PRKCE: variants seen among roughly 807,000 people sequenced by gnomAD.
PRKCE encodes protein kinase C epsilon.
A neutral mutation model predicts 85.4 loss-of-function variants in PRKCE; 16 were observed. The observed-to-expected ratio is 0.19, with a 90% CI of 0.13 to 0.28. PRKCE has a LOEUF of 0.28. PRKCE is among the 10% of genes least tolerant of loss of function. The pLI, the probability that PRKCE is intolerant of heterozygous loss-of-function variation, is 1.00. For synonymous variants in PRKCE, 388 were observed against 371.5 expected (o/e 1.04, Z -0.51); for missense variants, 573 against 975.2 (o/e 0.59, Z 5.49).
chr2:46,144,701 G>A (rs773261422), intron 11 of PRKCE, among the ~76,000 whole-genome samples: 1 of 152,194 alleles, frequency 6.6e-6, no homozygotes, highest in Non-Finnish European at 1.5e-5. Flanking sequence ...TATGTGTCAT[G>A]CTGGGAACCC....
intron 12 of PRKCE, among the ~76,000 whole-genome samples, chr2:46,149,178 C>G (rs1423077931): frequency 6.6e-6 from 1 of 152,188 alleles, no homozygotes; most frequent in Non-Finnish European, 1.5e-5. Context: ...AGTCCAGATA[C>G]TTGAATTCAG....
At chr2:46,119,043 C>G (rs1181866081) in intron 11 of PRKCE, among the ~76,000 whole-genome samples, 3 of 152,138 alleles carry the variant, frequency 2.0e-5, no homozygotes, top group African/African-American at 7.2e-5. Flanking sequence ...GGAAGTTTTC[C>G]TATCTCTGGC....
At chr2:45,958,854 T>A (rs1363714721) in intron 2 of PRKCE, among the ~76,000 whole-genome samples, 2 of 103,622 alleles carry the variant, frequency 1.9e-5, no homozygotes, top group Admixed American at 1.1e-4. Flanking sequence ...TTTTTTTTTT[T>A]TAATAGAATC....
intron 3 of PRKCE, 193 bp from the exon 4 acceptor site, chr2:45,978,783 G>A (rs774295234): frequency 7.0e-6 from 4 of 571,242 alleles, no homozygotes; most frequent in Non-Finnish European, 1.2e-5. Context: ...CCCAAGCACT[G>A]GGACTGCCCT....
chr2:46,122,104 G>A (rs112630014), intron 11 of PRKCE, among the ~76,000 whole-genome samples: 7 of 152,232 alleles, frequency 4.6e-5, no homozygotes, highest in East Asian at 1.9e-4. Flanking sequence ...TTCCCAGCAC[G>A]AGGCAGGCTT....
In PRKCE at chr2:45,862,817, C is replaced by T. The variant is rs1693276349; in HGVS notation, c.412+19754C>T. Among the ~76,000 whole-genome samples the T allele has an allele frequency of 9.2e-5, 14 of 152,330 alleles. 1 individual carries two copies. The South Asian group carries it at 2.9e-3, about 32-fold the overall frequency. ...ACATACATGCATGCAAATGTGTACA[C>T]ACATGCACCCATAATCACCTGCGCA... On this transcript the variant is annotated intron_variant, in intron 2 of 14. Transcript: ENST00000306156.
At chr2:45,699,675 T>C (rs1217761033) in intron 1 of PRKCE, among the ~76,000 whole-genome samples, 1 of 152,184 alleles carries the variant, frequency 6.6e-6, no homozygotes, top group Admixed American at 6.5e-5. Context: ...ACCAGTCTTG[T>C]TTTTTTATGG....
At chr2:45,953,406 T>C (rs1700755888) in intron 2 of PRKCE, among the ~76,000 whole-genome samples, 1 of 150,386 alleles carries the variant, frequency 6.6e-6, no homozygotes, top group Non-Finnish European at 1.5e-5. Context: ...GCTTTTCAAT[T>C]TGGATAGAAC....
At chr2:45,994,069 T>G (rs1704029424) in intron 6 of PRKCE, among the ~76,000 whole-genome samples, 1 of 152,164 alleles carries the variant, frequency 6.6e-6, no homozygotes, top group Admixed American at 6.5e-5. Flanking sequence ...GAGATCTGGC[T>G]GCTTATCCTG....
chr2:45,770,605 C>A (rs45548232), intron 1 of PRKCE: 9,843 of 152,222 alleles, frequency 0.065, 357 homozygotes, highest in Non-Finnish European at 0.078. Flanking sequence ...ACAAAAACAC[C>A]CTATGATTTA....
chr2:45,848,124 ACT>A (rs768346983), intron 2 of PRKCE, among the ~76,000 whole-genome samples: 5 of 151,594 alleles, frequency 3.3e-5, no homozygotes, highest in Non-Finnish European at 7.4e-5. Context: ...TTCTCTTGAA[ACT>A]CTGTCTTAGC....
intron 1 of PRKCE, among the ~76,000 whole-genome samples, chr2:45,677,398 G>T (rs1320989119): frequency 1.4e-5 from 2 of 142,720 alleles, no homozygotes; most frequent in Non-Finnish European, 3.0e-5. Context: ...CGCCCAGGCC[G>T]GACTGCGGAC....
At chr2:45,728,572 TCTTTGTATCTTAGTCACAGA>T (rs1681286714) in intron 1 of PRKCE, among the ~76,000 whole-genome samples, 1 of 152,144 alleles carries the variant, frequency 6.6e-6, no homozygotes, top group African/African-American at 2.4e-5. Flanking sequence ...GCCGCTGGAA[TCTTTGTATCTTAGTCACAGA>T]CTTCTAGAGT....
intron 2 of PRKCE, among the ~76,000 whole-genome samples, chr2:45,848,937 G>C (rs1225592993): frequency 1.3e-5 from 2 of 152,184 alleles, no homozygotes; most frequent in Non-Finnish European, 2.9e-5. Context: ...TGGATTGGCA[G>C]GGAAGAAGTG....
intron 2 of PRKCE, among the ~76,000 whole-genome samples, chr2:45,975,495 A>T (rs541014060): frequency 2.5e-4 from 38 of 152,258 alleles, no homozygotes; most frequent in South Asian, 8.3e-4. Flanking sequence ...TCCTCTTATA[A>T]GGACACTAAT....
Position 46,001,480 on chromosome 2 carries a change from C to G in PRKCE, c.900C>G (p.Ala300=), listed in dbSNP as rs1437527475. The G allele has an allele frequency of 1.9e-6, 3 of 1,599,450 alleles. No individual in the cohort carries two copies. Among genetic ancestry groups the G allele is most frequent in the Non-Finnish European group, 8.5e-7 (1 of 1,179,824 alleles). ...GTGGAGTGGATGCCAGAGGAATCGC[C>G]AAAGTACTGGCCGACCTGGGCGTTA... ...PNCGVDARGI[A]KVLADLGVTP... The change falls in exon 7 of 15, where the codon GCC becomes GCG. Residue 300 remains alanine (A), a synonymous_variant. Coordinates refer to ENST00000306156, the MANE Select transcript of PRKCE (RefSeq NM_005400.3). The surrounding 1 kb of genome is among the most constrained non-coding windows in gnomAD (Gnocchi z 4.4).
intron 11 of PRKCE, among the ~76,000 whole-genome samples, chr2:46,113,243 T>C (rs572752913): frequency 1.3e-5 from 2 of 152,356 alleles, no homozygotes; most frequent in South Asian, 4.1e-4. Flanking sequence ...GCAAGTGTGT[T>C]CTCTTTGCAT....
intron 11 of PRKCE, among the ~76,000 whole-genome samples, chr2:46,087,735 GC>G (rs1254379359): frequency 1.3e-5 from 2 of 152,202 alleles, no homozygotes; most frequent in East Asian, 3.8e-4. Context: ...TTACCTACAT[GC>G]CCTGGTCAGT....
At chr2:45,683,811 G>A (rs506134) in intron 1 of PRKCE, among the ~76,000 whole-genome samples, 52,242 of 152,070 alleles carry the variant, frequency 0.34, 9,286 homozygotes, top group Middle Eastern at 0.41. Context: ...GGAATCCAGT[G>A]TCTGCCTTTG....
Sources: gnomAD v4.1 joint callset for allele counts (sites outside exome capture counted in the v4.1 genomes callset) on GRCh38, gnomAD v4.1.1 for gene constraint, Gnocchi (gnomAD v3.1) non-coding constraint, MANE v1.5 for transcripts, NCBI Gene and HGNC (gene_info 2026-07-23, HGNC 2026-07-21) for gene names.